The following FNDC3A variants were observed in gnomAD, a reference collection of about 807,000 sequenced individuals.
FNDC3A encodes the protein fibronectin type-III domain-containing protein 3A.
Under a neutral mutation model 148.9 loss-of-function variants are expected in FNDC3A, and 32 were observed. The observed-to-expected ratio is 0.21, with a 90% CI of 0.16 to 0.29. The LOEUF (loss-of-function observed/expected upper bound fraction) is 0.29, where lower values mean the gene tolerates loss of function less well. Ranked by LOEUF, FNDC3A falls within the 10% of genes least tolerant of loss-of-function variation. The probability of loss-of-function intolerance (pLI) is 1.00; values close to 1 mark genes in which losing one functional copy is unlikely to be tolerated. For missense variants in FNDC3A, 1,191 were observed against 1,452.8 expected (o/e 0.82, Z 2.93); for synonymous variants, 472 against 473.6 (o/e 1.00, Z 0.04).
chr13:49,202,275 C>T (rs1281714641), intron 24 of FNDC3A, among the ~76,000 whole-genome samples: 1 of 152,134 alleles, frequency 6.6e-6, no homozygotes, highest in Non-Finnish European at 1.5e-5. Context: ...AGAAAAAAAT[C>T]ACAAACTCTG....
At position 49,138,767 on chromosome 13, in the gene FNDC3A, G is replaced by C; in HGVS notation, c.781G>C (p.Ala261Pro). Residue 261 changes from alanine (A) to proline (P), a missense_variant, in exon 7 of 26, where the codon GCA (alanine) becomes CCA (proline). By Grantham distance (27) the Ala-to-Pro change is conservative. Coordinates refer to ENST00000492622, the MANE Select transcript of FNDC3A (RefSeq NM_001079673.2). ...EIEEKDEETKAFEALLSNIVK... is the reference protein window; with the variant it reads ...EIEEKDEETKPFEALLSNIVK... ...TTAAGAAAAAGATGAAGAAACTAAA[G>C]CATTTGAAGCACTTCTTTCCAACAT... 2 of 1,494,962 alleles carry C rather than the reference G, an allele frequency of 1.3e-6. No homozygotes were observed. Among genetic ancestry groups the C allele is most frequent in the Non-Finnish European group, 1.8e-6 (2 of 1,093,044 alleles). The allele number at this position is 1,494,962 out of a possible 1,614,324, so 92.6% of individuals were successfully genotyped here.
intron 2 of FNDC3A, among the ~76,000 whole-genome samples, chr13:49,068,504 G>A (rs1318564508): frequency 1.3e-5 from 2 of 152,230 alleles, no homozygotes; most frequent in African/African-American, 4.8e-5. Context: ...TCCTCAAAGG[G>A]CTGAAAACAG....
chr13:49,064,296 G>A (rs926743305), intron 2 of FNDC3A, among the ~76,000 whole-genome samples: 6 of 152,018 alleles, frequency 3.9e-5, no homozygotes, highest in East Asian at 1.9e-4. Flanking sequence ...AGCCAAGATC[G>A]TGCCATTGCA....
intron 2 of FNDC3A, among the ~76,000 whole-genome samples, chr13:49,012,209 G>C (rs1273017370): frequency 6.6e-6 from 1 of 151,992 alleles, no homozygotes; most frequent in African/African-American, 2.4e-5. Context: ...TCCGCCATGG[G>C]TTCATGCCAT....
chr13:49,019,307 C>G (rs576239472), intron 2 of FNDC3A, among the ~76,000 whole-genome samples: 30 of 152,332 alleles, frequency 2.0e-4, no homozygotes, highest in African/African-American at 6.5e-4. Context: ...TCTTCTGGTG[C>G]GCCGTTTTTT....
intron 3 of FNDC3A, among the ~76,000 whole-genome samples, chr13:49,080,915 T>C (rs1479806681): frequency 2.0e-5 from 3 of 152,206 alleles, no homozygotes; most frequent in Non-Finnish European, 4.4e-5. Flanking sequence ...CTCTTTTAGC[T>C]GTAGATACAC....
At chr13:49,153,037 A>G (rs1393041841) in intron 8 of FNDC3A, among the ~76,000 whole-genome samples, 1 of 151,694 alleles carries the variant, frequency 6.6e-6, no homozygotes, top group Non-Finnish European at 1.5e-5. Context: ...TATACCCAGT[A>G]ATGGGATGGC....
chr13:49,115,518 G>A (rs1880893985), intron 4 of FNDC3A, among the ~76,000 whole-genome samples: 1 of 152,156 alleles, frequency 6.6e-6, no homozygotes, highest in African/African-American at 2.4e-5. Context: ...TGCACACTCT[G>A]TGAAGCACAC....
chr13:49,192,722 C>T (rs184921291), intron 19 of FNDC3A, among the ~76,000 whole-genome samples: 49 of 152,270 alleles, frequency 3.2e-4, no homozygotes, highest in Non-Finnish European at 6.8e-4. Context: ...TTAATACTTA[C>T]GTCTTAATTT....
At chr13:49,137,300 C>G (rs931057130) in intron 6 of FNDC3A, among the ~76,000 whole-genome samples, 1 of 152,102 alleles carries the variant, frequency 6.6e-6, no homozygotes, top group Non-Finnish European at 1.5e-5. Context: ...GATCCTTCCC[C>G]TAACCTCTGA....
chr13:49,042,427 CCTTTT>C (rs1287792259), intron 2 of FNDC3A, among the ~76,000 whole-genome samples: 1 of 151,996 alleles, frequency 6.6e-6, no homozygotes, highest in African/African-American at 2.4e-5. Flanking sequence ...TTGTTTCCTT[CCTTTT>C]ATTTTCGTTG....
chr13:49,142,683 G>A (rs891048103), intron 7 of FNDC3A, among the ~76,000 whole-genome samples: 14 of 152,144 alleles, frequency 9.2e-5, no homozygotes, highest in Non-Finnish European at 1.8e-4. Flanking sequence ...CCAGATTTCA[G>A]TTATAAGCTT....
intron 1 of FNDC3A, among the ~76,000 whole-genome samples, chr13:48,981,307 G>A (rs571636359): frequency 7.9e-5 from 12 of 151,916 alleles, no homozygotes; most frequent in Admixed American, 2.0e-4. Flanking sequence ...TATGATTTTG[G>A]GTTAGTTTCT....
chr13:49,053,421 A>G (rs1489355611), intron 2 of FNDC3A, among the ~76,000 whole-genome samples: 1 of 152,216 alleles, frequency 6.6e-6, no homozygotes, highest in Admixed American at 6.5e-5. Flanking sequence ...GTTACAGATC[A>G]TGACTCATGA....
intron 8 of FNDC3A, among the ~76,000 whole-genome samples, chr13:49,147,848 A>G (rs1020726033): frequency 5.3e-5 from 8 of 152,180 alleles, no homozygotes; most frequent in East Asian, 1.9e-4. Flanking sequence ...CATTCCACCA[A>G]CAGTGTATAA....
chr13:48,999,392 C>T (rs150709440), intron 1 of FNDC3A, among the ~76,000 whole-genome samples: 3 of 152,274 alleles, frequency 2.0e-5, no homozygotes, highest in South Asian at 2.1e-4. Context: ...GCCTGTCCCA[C>T]GATTGTCTTT....
Position 49,191,206 on chromosome 13 carries a change from T to C in FNDC3A, c.2051-3T>C, listed in dbSNP as rs1308768184. On this transcript the variant is annotated splice_region_variant and splice_polypyrimidine_tract_variant and intron_variant, in intron 18 of 25. Transcript: ENST00000492622. ...AAATTGCATTAATCTTTCCATCTTT[T>C]AGGACCCCCTCTGGTTGATGGTGGA... is the stretch of plus-strand genomic sequence containing the variant. 2 of 1,606,066 alleles carry C rather than the reference T, an allele frequency of 1.2e-6. No homozygotes were observed. Among genetic ancestry groups the C allele is most frequent in the Non-Finnish European group, 1.7e-6 (2 of 1,176,636 alleles).
intron 2 of FNDC3A, among the ~76,000 whole-genome samples, chr13:49,068,859 A>G (rs1877450831): frequency 6.6e-6 from 1 of 152,204 alleles, no homozygotes; most frequent in Non-Finnish European, 1.5e-5. Context: ...TGATGAGAAC[A>G]CATGGACATA....
chr13:49,131,133 G>T lies in FNDC3A; in HGVS notation c.253-4G>T, dbSNP rs1183458017. ...GAAATTTTAATCTGATGTTCATTTTGTAGGTTATTGAAGACAATGGTGTTC... is the reference window on the plus strand; with the variant it reads ...GAAATTTTAATCTGATGTTCATTTTTTAGGTTATTGAAGACAATGGTGTTC... On this transcript the variant is annotated splice_region_variant and splice_polypyrimidine_tract_variant and intron_variant, in intron 4 of 25. Coordinates refer to ENST00000492622, the MANE Select transcript of FNDC3A (RefSeq NM_001079673.2). 1.9e-6 allele frequency: 3 copies of T among 1,597,692 alleles called. No individual in the cohort carries two copies. Among genetic ancestry groups the T allele is most frequent in the African/African-American group, 2.7e-5 (2 of 74,552 alleles).
Sources: gnomAD v4.1 joint callset for allele counts (sites outside exome capture counted in the v4.1 genomes callset) on GRCh38, gnomAD v4.1.1 for gene constraint, MANE v1.5 for transcripts, NCBI Gene and HGNC (gene_info 2026-07-23, HGNC 2026-07-21) for gene names.